Variants in MACROD1 observed in about 807,000 individuals in gnomAD.
The protein encoded by MACROD1 is mono-ADP ribosylhydrolase 1.
Under a neutral mutation model 41.4 loss-of-function variants are expected in MACROD1, and 31 were observed. That is an observed-to-expected ratio of 0.75 (90% CI 0.56 to 1.01). The LOEUF (loss-of-function observed/expected upper bound fraction) is 1.01, where lower values mean the gene tolerates loss of function less well. Among genes scored for constraint, MACROD1 ranks in the 50% least tolerant of loss-of-function variants. The probability of loss-of-function intolerance (pLI) is 0.00; values close to 1 mark genes in which losing one functional copy is unlikely to be tolerated. For missense variants in MACROD1, 473 were observed against 460.0 expected, an observed-to-expected ratio of 1.03 and a Z score of -0.26; for synonymous variants, 252 against 203.4, an observed-to-expected ratio of 1.24 and a Z score of -2.03.
At chr11:64,100,860 G>A (rs1365791074) in intron 3 of MACROD1, among the ~76,000 whole-genome samples, 1 of 152,180 alleles carries the variant, frequency 6.6e-6, no homozygotes, top group African/African-American at 2.4e-5. Flanking sequence ...AGGGAAGGTG[G>A]GGGTGGGGGC....
intron 3 of MACROD1, among the ~76,000 whole-genome samples, chr11:64,066,973 C>T (rs149803080): frequency 0.012 from 1,798 of 152,314 alleles, 22 homozygotes; most frequent in South Asian, 0.052. Context: ...TCACACAGAG[C>T]CCAGCTGGCA....
chr11:64,049,411 T>C (rs1455147467), intron 3 of MACROD1, among the ~76,000 whole-genome samples: 5 of 152,180 alleles, frequency 3.3e-5, no homozygotes, highest in Admixed American at 6.5e-5. Flanking sequence ...CCCTGAGCAC[T>C]TCCTGTGCGC....
intron 3 of MACROD1, among the ~76,000 whole-genome samples, chr11:64,144,202 CG>C (rs1440945490): frequency 6.6e-6 from 1 of 152,048 alleles, no homozygotes; most frequent in African/African-American, 2.4e-5. Context: ...GCTCTTGCCC[CG>C]ACTTCTGACT....
intron 3 of MACROD1, among the ~76,000 whole-genome samples, chr11:64,060,943 G>C (rs1268070601): frequency 6.6e-6 from 1 of 151,778 alleles, no homozygotes; most frequent in Non-Finnish European, 1.5e-5. Flanking sequence ...GCACCGCGGC[G>C]GCGGCGGCGG....
At chr11:64,148,780 G>A (rs1945532827) in intron 3 of MACROD1, 1 of 985,786 alleles carries the variant, frequency 1.0e-6, no homozygotes, top group South Asian at 4.7e-5. Context: ...CTAATAAACA[G>A]GCTGATATAT....
intron 3 of MACROD1, among the ~76,000 whole-genome samples, chr11:64,128,740 C>T (rs767970628): frequency 3.9e-5 from 6 of 152,078 alleles, no homozygotes; most frequent in Non-Finnish European, 8.8e-5. Context: ...GTTTCCCACG[C>T]CTCTGCTGGC....
At position 64,151,335 on chromosome 11, in the gene MACROD1, C is replaced by T. The variant is rs1274218944; in HGVS notation, c.421G>A (p.Glu141Lys). The T allele has an allele frequency of 6.2e-7, 1 of 1,613,628 alleles. No homozygotes were observed. Among genetic ancestry groups the T allele is most frequent in the Non-Finnish European group, 8.5e-7 (1 of 1,179,940 alleles). ...TGCTTGTCCTTTTTATACCTGGGCTCCTCCACCTTCACAGCCACCCCTGGA... is the reference window on the plus strand; with the variant it reads ...TGCTTGTCCTTTTTATACCTGGGCTTCTCCACCTTCACAGCCACCCCTGGA... ...MAKGVAVKVEEPRYKKDKQLN... is the reference protein window; with the variant it reads ...MAKGVAVKVEKPRYKKDKQLN... Residue 141 changes from glutamate to lysine, a missense_variant, in exon 3 of 11, where the codon GAG (glutamate) becomes AAG (lysine). Transcript: ENST00000255681.
intron 3 of MACROD1, among the ~76,000 whole-genome samples, chr11:64,098,691 A>T (rs1944620041): frequency 6.6e-6 from 1 of 152,178 alleles, no homozygotes; most frequent in Non-Finnish European, 1.5e-5. Context: ...GTCCAAAATG[A>T]AAGAAAATCC....
chr11:64,089,031 A>G (rs894694813), intron 3 of MACROD1, among the ~76,000 whole-genome samples: 1 of 152,114 alleles, frequency 6.6e-6, no homozygotes, highest in Non-Finnish European at 1.5e-5. Flanking sequence ...CTGACAAGAG[A>G]GGGAAGCCTC....
rs569021177 is a variant in MACROD1, at chr11:64,096,221, G to A, written c.517+55018C>T. ...AAGAGCACTGTGACGGGCAGGCAGG[G>A]GGTCGAACAGCCACTGTTCTGCCGA... On this transcript the variant is annotated intron_variant, in intron 3 of 10. Coordinates refer to ENST00000255681, the MANE Select transcript of MACROD1 (RefSeq NM_014067.4). The surrounding 1 kb of genome is among the most constrained non-coding windows in gnomAD (Gnocchi z 4.6). Among the ~76,000 whole-genome samples, 1 of 152,348 alleles carries A rather than the reference G, an allele frequency of 6.6e-6. No individual in the cohort carries two copies. Among genetic ancestry groups the A allele is most frequent in the East Asian group, 1.9e-4 (1 of 5,178 alleles).
At chr11:64,044,377 G>A (rs1022593641) in intron 3 of MACROD1, among the ~76,000 whole-genome samples, 2 of 151,328 alleles carry the variant, frequency 1.3e-5, no homozygotes, top group African/African-American at 2.4e-5. Context: ...TCAGCCTGCC[G>A]AATAGCTCGG....
In MACROD1 at chr11:64,165,754, G is replaced by A. The variant is rs1945831283; in HGVS notation, c.241C>T (p.Leu81=). 5 of 1,497,850 alleles carry A rather than the reference G, an allele frequency of 3.3e-6. No individual in the cohort carries two copies. Among genetic ancestry groups the A allele is most frequent in the South Asian group, 2.6e-5 (2 of 75,522 alleles). 92.8% of individuals were successfully genotyped at this position (1,497,850 alleles called of 1,614,324 possible). ...RTAGVRTWAP[L]AMAAKVDLST... ...AGGTCCACCTTCGCCGCCATGGCCA[G>A]GGGGGCCCAAGTGCGCACCCCGGCT... Residue 81 remains leucine (L), a synonymous_variant, in exon 1 of 11, where the codon CTG becomes TTG. Transcript: ENST00000255681.
At chr11:64,163,581 A>C (rs892798941) in intron 1 of MACROD1, among the ~76,000 whole-genome samples, 110 of 152,244 alleles carry the variant, frequency 7.2e-4, no homozygotes, top group African/African-American at 2.5e-3. Context: ...CCCCATGGAG[A>C]GGCCCCAAAG....
intron 3 of MACROD1, among the ~76,000 whole-genome samples, chr11:64,099,458 AG>A (rs1424642695): frequency 6.6e-6 from 1 of 152,208 alleles, no homozygotes; most frequent in Non-Finnish European, 1.5e-5. Flanking sequence ...AGAAATGGAT[AG>A]GTGGAGAGAA....
chr11:64,107,486 GCGCCACCCAGCCGGCCTATGT>G (rs1346404919), intron 3 of MACROD1, among the ~76,000 whole-genome samples: 2 of 152,222 alleles, frequency 1.3e-5, no homozygotes, highest in Non-Finnish European at 2.9e-5. Flanking sequence ...CCTGGCACCA[GCGCCACCCAGCCGGCCTATGT>G]GGTTAGGTGC....
chr11:64,050,133 C>T (rs1348631837), intron 3 of MACROD1, among the ~76,000 whole-genome samples: 1 of 152,112 alleles, frequency 6.6e-6, no homozygotes, highest in Admixed American at 6.5e-5. Flanking sequence ...ACAGGGAAGC[C>T]GGGTGCAGGC....
chr11:64,036,679 G>A lies in MACROD1; in HGVS notation c.518-21398C>T, dbSNP rs550115255. Reference sequence around the variant, plus strand: ...TTATTTTTAAAACGACTTCAAGGGGGGCATGAGCAGCCTCCAACTTCCCTC... The same window carrying A: ...TTATTTTTAAAACGACTTCAAGGGGAGCATGAGCAGCCTCCAACTTCCCTC... On this transcript the variant is annotated intron_variant, in intron 3 of 10. Transcript: ENST00000255681. The surrounding 1 kb of genome is among the most constrained non-coding windows in gnomAD (Gnocchi z 5.6). 6.6e-6 allele frequency among the ~76,000 whole-genome samples: 1 copy of A among 152,212 alleles called. No individual in the cohort carries two copies. The highest frequency in any genetic ancestry group is 2.1e-4 in the South Asian group (1 of 4,824).
intron 3 of MACROD1, among the ~76,000 whole-genome samples, chr11:64,131,810 C>A (rs58941352): frequency 1.0e-3 from 154 of 152,310 alleles, no homozygotes; most frequent in African/African-American, 3.6e-3. Flanking sequence ...TCACGTGCTG[C>A]CTGCCGGTAA....
At chr11:64,151,521 C>A (rs1945578110) in intron 2 of MACROD1, among the ~76,000 whole-genome samples, 166 bp from the exon 3 acceptor site, 1 of 152,214 alleles carries the variant, frequency 6.6e-6, no homozygotes, top group Non-Finnish European at 1.5e-5. Context: ...CACTGAGGAG[C>A]ACCTACTGCG....
Sources: gnomAD v4.1 joint callset for allele counts (sites outside exome capture counted in the v4.1 genomes callset) on GRCh38, gnomAD v4.1.1 for gene constraint, Gnocchi (gnomAD v3.1) non-coding constraint, MANE v1.5 for transcripts, NCBI Gene and HGNC (gene_info 2026-07-23, HGNC 2026-07-21) for gene names.